NELL2: variants seen among roughly 807,000 people sequenced by gnomAD.
NELL2 encodes protein kinase C-binding protein NELL2.
In NELL2, 41 loss-of-function variants were observed where a neutral mutation model predicts 109.6. The ratio of observed to expected loss-of-function variants is 0.37; its 90% confidence interval spans 0.29 to 0.49. The LOEUF (loss-of-function observed/expected upper bound fraction) is 0.49. NELL2 is among the 20% of genes least tolerant of loss of function. The pLI, the probability that NELL2 is intolerant of heterozygous loss-of-function variation, is 0.98. For synonymous variants in NELL2, 355 were observed against 344.7 expected, an observed-to-expected ratio of 1.03 and a Z score of -0.33; for missense variants, 900 against 1,008.3, an observed-to-expected ratio of 0.89 and a Z score of 1.45.
At chr12:44,551,223 C>G (rs180730460) in intron 15 of NELL2, among the ~76,000 whole-genome samples, 2 of 152,246 alleles carry the variant, frequency 1.3e-5, no homozygotes, top group Admixed American at 1.3e-4. Context: ...TAATTCAATA[C>G]TATATCCTAA....
chr12:44,821,225 T>C (rs1182694324), intron 2 of NELL2, among the ~76,000 whole-genome samples: 1 of 152,192 alleles, frequency 6.6e-6, no homozygotes, highest in African/African-American at 2.4e-5. Context: ...TACTTCCTTT[T>C]TTAAAATAAG....
chr12:44,826,713 C>G (rs577641362), intron 2 of NELL2, among the ~76,000 whole-genome samples: 1 of 152,110 alleles, frequency 6.6e-6, no homozygotes, highest in Non-Finnish European at 1.5e-5. Context: ...AATCACAGGT[C>G]GTTTCTATGA....
intron 2 of NELL2, among the ~76,000 whole-genome samples, chr12:44,839,292 T>A (rs944243779): frequency 2.6e-5 from 4 of 152,144 alleles, no homozygotes; most frequent in Non-Finnish European, 5.9e-5. Context: ...ATCAGGAAAA[T>A]CAGTCTATAT....
chr12:44,704,999 A>G (rs567868316), intron 11 of NELL2, among the ~76,000 whole-genome samples: 1 of 149,638 alleles, frequency 6.7e-6, no homozygotes, highest in East Asian at 2.0e-4. Flanking sequence ...AGCCTGGGCA[A>G]AAGAGTAGGA....
At chr12:44,603,008 T>C (rs376025183) in intron 15 of NELL2, among the ~76,000 whole-genome samples, 1 of 152,138 alleles carries the variant, frequency 6.6e-6, no homozygotes, top group East Asian at 1.9e-4. Context: ...CTCAATCCAT[T>C]TGAAGTTACT....
chr12:44,530,474 T>G (rs1439273111), intron 16 of NELL2, among the ~76,000 whole-genome samples: 1 of 152,202 alleles, frequency 6.6e-6, no homozygotes, highest in Non-Finnish European at 1.5e-5. Flanking sequence ...AGGTAGCTTC[T>G]GAGATGGCCC....
chr12:44,519,874 C>T (rs1592059503), intron 19 of NELL2, 131 bp downstream of exon 19: 1 of 777,700 alleles, frequency 1.3e-6, no homozygotes, highest in South Asian at 1.6e-5. Context: ...GGCATTCCGC[C>T]CACCTATGTT....
intron 15 of NELL2, among the ~76,000 whole-genome samples, chr12:44,538,168 T>C (rs1382955000): frequency 1.3e-5 from 2 of 152,192 alleles, no homozygotes; most frequent in Non-Finnish European, 2.9e-5. Flanking sequence ...ACTCCAAGTC[T>C]AGTTCTTTTT....
In NELL2 at chr12:44,875,283, C is replaced by G. The variant is rs1487512608; in HGVS notation, c.126G>C (p.Thr42=). 6.2e-7 allele frequency: 1 copy of G among 1,613,996 alleles called. No individual in the cohort carries two copies. The highest frequency in any genetic ancestry group is 2.2e-5 in the East Asian group (1 of 44,880). ...VLTELELGES[T]TGVRQVPGLH... ...GCCCCGGGACCTGACGCACTCCGGT[C>G]GTGGACTCCCCAAGTTCTAACTCTG... is the stretch of plus-strand genomic sequence containing the variant. Residue 42 remains threonine, a synonymous_variant, in exon 2 of 20, where the codon ACG becomes ACC. Transcript: ENST00000429094.
chr12:44,852,701 G>A (rs969574592), intron 2 of NELL2, among the ~76,000 whole-genome samples: 4 of 152,128 alleles, frequency 2.6e-5, no homozygotes, highest in African/African-American at 4.8e-5. Context: ...TAAATAGGTG[G>A]GTTCTCCCCA....
chr12:44,522,297 T>G, intron 17 of NELL2, 121 bp from the exon 18 acceptor site: 3 of 707,398 alleles, frequency 4.2e-6, no homozygotes, highest in Non-Finnish European at 4.2e-6. Context: ...ACACTGCTTA[T>G]CTGATATAAT....
chr12:44,786,030 A>G (rs143421657), intron 3 of NELL2, among the ~76,000 whole-genome samples: 1,642 of 152,210 alleles, frequency 0.011, 32 homozygotes, highest in African/African-American at 0.037. Flanking sequence ...TGACAAATGG[A>G]ATCTAATTAA....
intron 2 of NELL2, among the ~76,000 whole-genome samples, chr12:44,862,878 C>G (rs745601575): frequency 2.0e-5 from 3 of 151,968 alleles, no homozygotes; most frequent in Non-Finnish European, 2.9e-5. Flanking sequence ...AGAAAACTTA[C>G]AGGATTTATG....
At chr12:44,732,460 G>A (rs952814211) in intron 9 of NELL2, among the ~76,000 whole-genome samples, 2 of 151,974 alleles carry the variant, frequency 1.3e-5, no homozygotes, top group African/African-American at 4.8e-5. Context: ...ATGGGGAAAA[G>A]ATAGTCTCTT....
At chr12:44,885,544 A>T in intron 1 of NELL2, among the ~76,000 whole-genome samples, 1 of 151,920 alleles carries the variant, frequency 6.6e-6, no homozygotes, top group Non-Finnish European at 1.5e-5. Context: ...AACAGCATTA[A>T]AAAACATGAA....
intron 13 of NELL2, among the ~76,000 whole-genome samples, chr12:44,656,350 A>G (rs990593132): frequency 2.0e-5 from 3 of 152,232 alleles, no homozygotes; most frequent in African/African-American, 2.4e-5. Context: ...CAGGTACAGA[A>G]GAAGTACAGT....
intron 1 of NELL2, among the ~76,000 whole-genome samples, chr12:44,882,036 C>A (rs7960817): frequency 0.14 from 21,651 of 151,708 alleles, 1,823 homozygotes; most frequent in East Asian, 0.22. Flanking sequence ...TGAAAATACC[C>A]TTCAGGAATA....
intron 1 of NELL2, among the ~76,000 whole-genome samples, chr12:44,907,285 A>T (rs1302679240): frequency 6.6e-6 from 1 of 152,120 alleles, no homozygotes; most frequent in East Asian, 1.9e-4. Flanking sequence ...GATCACAAAG[A>T]CTATGAGAAT....
At chr12:44,766,715 A>G (rs1941350103) in intron 9 of NELL2, among the ~76,000 whole-genome samples, 1 of 152,144 alleles carries the variant, frequency 6.6e-6, no homozygotes, top group African/African-American at 2.4e-5. Context: ...AAGCCTTATG[A>G]TACTAAGAAG....
Sources: allele counts gnomAD v4.1 joint callset (sites outside exome capture counted in the v4.1 genomes callset), GRCh38; gene constraint gnomAD v4.1.1; transcripts MANE v1.5; gene names NCBI Gene and HGNC (gene_info 2026-07-23, HGNC 2026-07-21).